TMEM39A: variants seen among roughly 807,000 people sequenced by gnomAD.
TMEM39A encodes suppressor of SQST-1 aggregates in rpl-43 mutants.
A neutral mutation model predicts 51.9 loss-of-function variants in TMEM39A; 19 were observed. The observed-to-expected ratio is 0.37, with a 90% CI of 0.26 to 0.54. The LOEUF (loss-of-function observed/expected upper bound fraction) is 0.54, where lower values mean the gene tolerates loss of function less well. Among genes scored for constraint, TMEM39A ranks in the 20% least tolerant of loss-of-function variants. The pLI, the probability that TMEM39A is intolerant of heterozygous loss-of-function variation, is 0.88. For synonymous variants in TMEM39A, 197 were observed against 220.2 expected (o/e 0.89, Z 0.93); for missense variants, 433 against 590.5 (o/e 0.73, Z 2.76).
intron 5 of TMEM39A, among the ~76,000 whole-genome samples, chr3:119,440,430 A>C (rs988297519): frequency 2.5e-4 from 38 of 152,328 alleles, no homozygotes; most frequent in African/African-American, 8.2e-4. Flanking sequence ...GCTACAATAA[A>C]AATGAAATGG....
chr3:119,445,096 C>T (rs564859888), intron 5 of TMEM39A, among the ~76,000 whole-genome samples: 122 of 151,738 alleles, frequency 8.0e-4, no homozygotes, highest in Non-Finnish European at 1.5e-3. Flanking sequence ...AAAAAGCAAC[C>T]GTCTCTGGAC....
chr3:119,451,140 A>G (rs997109532), intron 4 of TMEM39A: 6 of 738,680 alleles, frequency 8.1e-6, no homozygotes, highest in African/African-American at 1.9e-5. Context: ...TCCATCCTCT[A>G]AATAAAAACT....
At chr3:119,433,765 AAGG>A (rs1373190000) in intron 8 of TMEM39A, among the ~76,000 whole-genome samples, 1 of 152,158 alleles carries the variant, frequency 6.6e-6, no homozygotes, top group Non-Finnish European at 1.5e-5. Context: ...TGGCGTCAAG[AAGG>A]AGATGCTTGT....
intron 5 of TMEM39A, among the ~76,000 whole-genome samples, chr3:119,439,537 A>AC (rs11419411): frequency 0.76 from 112,317 of 148,426 alleles, 42,720 homozygotes; most frequent in East Asian, 0.86. Flanking sequence ...CCGAGACTGC[A>AC]CATTGCACTC....
rs1388320556 is a variant in TMEM39A, at chr3:119,430,137, T to C, written c.*1844A>G. On this transcript the variant is annotated 3_prime_UTR_variant, in exon 9 of 9. Transcript: ENST00000319172. ...CCCACCCCTACCTCAAGAACCACTA[T>C]ATTTAGGCTGAACTACTTTAAAAAG... 1 of 152,050 alleles carries C rather than the reference T, an allele frequency of 6.6e-6. No homozygotes were observed. The highest frequency in any genetic ancestry group is 1.5e-5 in the Non-Finnish European group (1 of 67,972). The allele number at this position is 152,050 out of a possible 1,614,324, so 9.4% of individuals were successfully genotyped here.
chr3:119,444,591 T>C (rs1332374785), intron 5 of TMEM39A, among the ~76,000 whole-genome samples: 1 of 152,218 alleles, frequency 6.6e-6, no homozygotes, highest in Non-Finnish European at 1.5e-5. Context: ...TTATACTTTG[T>C]AATTACCCAC....
At chr3:119,436,628 A>T in intron 7 of TMEM39A, 163 bp downstream of exon 7, 1 of 715,920 alleles carries the variant, frequency 1.4e-6, no homozygotes, top group South Asian at 1.9e-5. Flanking sequence ...GAAATGAGTT[A>T]ATGTCCCTTG....
At chr3:119,435,512 G>A in intron 7 of TMEM39A, 1 of 984,660 alleles carries the variant, frequency 1.0e-6, no homozygotes, top group Non-Finnish European at 1.2e-6. Context: ...TACAGAAGCA[G>A]CAGCTTCATT....
chr3:119,454,084 A>G (rs529311592), intron 3 of TMEM39A, among the ~76,000 whole-genome samples: 1 of 152,348 alleles, frequency 6.6e-6, no homozygotes, highest in African/African-American at 2.4e-5. Context: ...CAAAGGCCCT[A>G]AGACAGGAAA....
intron 3 of TMEM39A, among the ~76,000 whole-genome samples, chr3:119,455,825 C>G (rs2081256497): frequency 6.6e-6 from 1 of 152,118 alleles, no homozygotes; most frequent in African/African-American, 2.4e-5. Flanking sequence ...GAAATGTCAA[C>G]CCAAGTAGAA....
intron 4 of TMEM39A, among the ~76,000 whole-genome samples, chr3:119,447,463 C>T (rs2081143225): frequency 6.6e-6 from 1 of 151,962 alleles, no homozygotes; most frequent in Non-Finnish European, 1.5e-5. Flanking sequence ...AAGTATGTTC[C>T]ACGGATCACA....
Position 119,438,006 on chromosome 3 carries a change from C to T in TMEM39A, c.673G>A (p.Glu225Lys). 1.2e-6 allele frequency: 2 copies of T among 1,614,168 alleles called. No individual in the cohort carries two copies. The highest frequency in any genetic ancestry group is 1.7e-6 in the Non-Finnish European group (2 of 1,180,012). ...CCTCCCACAGTCGAGGCACTTTCCT[C>T]TACTGCCTCGTGCTGAACCACATAG... ...YNYVVQHEAV[E>K]ESASTVGGLA... The change falls in exon 6 of 9, where the codon GAG becomes AAG. Residue 225 changes from glutamate (E) to lysine (K), a missense_variant. This residue lies in a region of TMEM39A where 223 missense variants were observed against 328.1 expected (regional missense o/e 0.68). Coordinates refer to ENST00000319172, the MANE Select transcript of TMEM39A (RefSeq NM_018266.3).
intron 3 of TMEM39A, among the ~76,000 whole-genome samples, chr3:119,456,419 A>G (rs1158579141): frequency 6.6e-6 from 1 of 152,210 alleles, no homozygotes; most frequent in Non-Finnish European, 1.5e-5. Context: ...AATACCAGGA[A>G]CAACCAAATG....
chr3:119,443,084 A>AAAGTG (rs1553771141), intron 5 of TMEM39A, among the ~76,000 whole-genome samples: 72 of 151,472 alleles, frequency 4.8e-4, no homozygotes, highest in African/African-American at 1.6e-3. Flanking sequence ...AAAAAAAAAA[A>AAAGTG]AAAGTGAAGC....
At chr3:119,438,781 CTCCTGCCTCCCT>C (rs2081010848) in intron 5 of TMEM39A, among the ~76,000 whole-genome samples, 1 of 152,168 alleles carries the variant, frequency 6.6e-6, no homozygotes, top group South Asian at 2.1e-4. Flanking sequence ...GTAGGGGGCC[CTCCTGCCTCCCT>C]ACTGTATCAC....
At position 119,459,278 on chromosome 3, in the gene TMEM39A, C is replaced by T. The variant is rs112113869; in HGVS notation, c.114-1038G>A. ...AAACAATGTGGTTTATGCTGAACACCTGTGTTTTGTCCTTGCATATAAAGT... is the reference window on the plus strand; with the variant it reads ...AAACAATGTGGTTTATGCTGAACACTTGTGTTTTGTCCTTGCATATAAAGT... On this transcript the variant is annotated intron_variant, in intron 2 of 8. Transcript: ENST00000319172. 3.0e-4 allele frequency among the ~76,000 whole-genome samples: 46 copies of T among 152,252 alleles called. 1 individual carries two copies. Among genetic ancestry groups the T allele is most frequent in the Admixed American group, 9.8e-4 (15 of 15,304 alleles).
intron 4 of TMEM39A, among the ~76,000 whole-genome samples, chr3:119,449,003 A>T (rs532513755): frequency 6.6e-6 from 1 of 152,200 alleles, no homozygotes; most frequent in East Asian, 1.9e-4. Flanking sequence ...CATTTTTTTA[A>T]TTGTAATGAG....
Position 119,431,402 on chromosome 3 carries a change from A to G in TMEM39A, c.*579T>C, listed in dbSNP as rs529071970. 12 of 152,292 alleles carry G rather than the reference A, an allele frequency of 7.9e-5. No homozygotes were observed. The highest frequency in any genetic ancestry group is 2.9e-4 in the African/African-American group (12 of 41,566). The allele number at this position is 152,292 out of a possible 1,614,324, so 9.4% of individuals were successfully genotyped here. ...TCAGGATAGTAGCTTATTCAAAAGT[A>G]TATTTAAATGTCACAGGGTAAAATA... On this transcript the variant is annotated 3_prime_UTR_variant, in exon 9 of 9. Transcript: ENST00000319172.
At chr3:119,452,588 C>T in intron 3 of TMEM39A, 58 bp from the exon 4 acceptor site, 2 of 1,359,784 alleles carry the variant, frequency 1.5e-6, no homozygotes, top group Admixed American at 1.8e-5. Context: ...TCAGCTGGCA[C>T]TACTACAAGA....
Sources: gnomAD v4.1 joint callset for allele counts (sites outside exome capture counted in the v4.1 genomes callset) on GRCh38, gnomAD v4.1.1 for gene constraint, gnomAD v4.1.1 regional missense constraint, MANE v1.5 for transcripts, NCBI Gene and HGNC (gene_info 2026-07-23, HGNC 2026-07-21) for gene names.